FAM107B: variants seen among roughly 807,000 people sequenced by gnomAD.
The protein encoded by FAM107B is protein FAM107B.
A neutral mutation model predicts 31.5 loss-of-function variants in FAM107B; 21 were observed. The observed-to-expected ratio is 0.67, with a 90% CI of 0.47 to 0.96. The LOEUF (loss-of-function observed/expected upper bound fraction) is 0.96. Ranked by LOEUF, FAM107B falls within the 40% of genes least tolerant of loss-of-function variation. The pLI is 0.00. For synonymous variants in FAM107B, 157 were observed against 141.5 expected (o/e 1.11, Z -0.78); for missense variants, 452 against 377.1 (o/e 1.20, Z -1.64).
chr10:14,667,097 G>A (rs1002733135), intron 2 of FAM107B, among the ~76,000 whole-genome samples: 5 of 152,008 alleles, frequency 3.3e-5, no homozygotes, highest in African/African-American at 9.7e-5. Flanking sequence ...ATTTTATGAC[G>A]ATTACATCTC....
intron 1 of FAM107B, among the ~76,000 whole-genome samples, chr10:14,705,905 T>C (rs1855507026): frequency 6.6e-6 from 1 of 152,134 alleles, no homozygotes; most frequent in African/African-American, 2.4e-5. Context: ...CAACAGAAGT[T>C]ACCTACAGAT....
At chr10:14,733,949 T>C (rs74122970) in intron 1 of FAM107B, among the ~76,000 whole-genome samples, 6,399 of 152,252 alleles carry the variant, frequency 0.042, 240 homozygotes, top group African/African-American at 0.1. Flanking sequence ...GCACCTGGTA[T>C]TTAGAGAGGA....
intron 2 of FAM107B, among the ~76,000 whole-genome samples, chr10:14,619,434 T>G (rs1046566535): frequency 6.6e-6 from 1 of 152,212 alleles, no homozygotes; most frequent in Non-Finnish European, 1.5e-5. Context: ...AATGGCTTAT[T>G]ATGTTGAGCA....
chr10:14,696,050 T>C lies in FAM107B; in HGVS notation c.412-28359A>G, dbSNP rs184279984. 9.6e-4 allele frequency among the ~76,000 whole-genome samples: 146 copies of C among 152,362 alleles called. 1 individual carries two copies. The highest frequency in any genetic ancestry group is 3.4e-3 in the Middle Eastern group (1 of 294). ...AGAAGTGAGAGTGGGCATCCTTAAC[T>C]TGTACCATATCTTAGTGAAAAACCT... On this transcript the variant is annotated intron_variant, in intron 1 of 4. Coordinates refer to ENST00000181796, the MANE Select transcript of FAM107B (RefSeq NM_031453.4).
At chr10:14,693,632 C>G (rs1425140819) in intron 1 of FAM107B, among the ~76,000 whole-genome samples, 1 of 152,126 alleles carries the variant, frequency 6.6e-6, no homozygotes, top group African/African-American at 2.4e-5. Context: ...ACTCATCTAG[C>G]AGGAACGGCA....
intron 2 of FAM107B, among the ~76,000 whole-genome samples, chr10:14,603,029 A>T (rs192051761): frequency 6.6e-6 from 1 of 151,172 alleles, no homozygotes; most frequent in East Asian, 1.9e-4. Flanking sequence ...ACACACACAC[A>T]CAAACACACT....
intron 4 of FAM107B, 98 bp downstream of exon 4, chr10:14,521,771 T>A (rs1405056623): frequency 6.7e-7 from 1 of 1,490,260 alleles, no homozygotes; most frequent in East Asian, 2.3e-5. Context: ...GGTATAAATG[T>A]ATACACTGGC....
At chr10:14,673,842 G>A (rs942460601) in intron 1 of FAM107B, among the ~76,000 whole-genome samples, 2 of 151,994 alleles carry the variant, frequency 1.3e-5, no homozygotes, top group African/African-American at 2.4e-5. Context: ...TTTTGGTTTT[G>A]ATTTGCATTT....
intron 2 of FAM107B, among the ~76,000 whole-genome samples, chr10:14,633,481 A>T (rs1464809835): frequency 6.6e-6 from 1 of 152,244 alleles, no homozygotes; most frequent in Admixed American, 6.5e-5. Flanking sequence ...GATAAGCAGT[A>T]GGAATTTAAT....
At position 14,519,135 on chromosome 10, in the gene FAM107B, G is replaced by C. The variant is rs899320996; in HGVS notation, c.*2055C>G. ...ATTCTGCAGATTTGAGTGAGATTAG[G>C]AAAGAAATGCTTTCTTAAGTAACTT... On this transcript the variant is annotated 3_prime_UTR_variant, in exon 5 of 5. Transcript: ENST00000181796. 3 of 152,000 alleles carry C rather than the reference G, an allele frequency of 2.0e-5. No individual in the cohort carries two copies. The highest frequency in any genetic ancestry group is 7.2e-5 in the African/African-American group (3 of 41,382). 9.4% of individuals were successfully genotyped at this position (152,000 alleles called of 1,614,324 possible).
chr10:14,763,963 T>C (rs909321600), intron 1 of FAM107B, among the ~76,000 whole-genome samples: 1 of 152,254 alleles, frequency 6.6e-6, no homozygotes, highest in African/African-American at 2.4e-5. Context: ...ATGATTTTCT[T>C]GTACCACTAT....
chr10:14,748,429 T>A (rs550280932), intron 1 of FAM107B, among the ~76,000 whole-genome samples: 3 of 152,332 alleles, frequency 2.0e-5, no homozygotes, highest in African/African-American at 7.2e-5. Flanking sequence ...TACCTCCCAA[T>A]CTAGATGCTG....
At position 14,675,064 on chromosome 10, in the gene FAM107B, C is replaced by T. The variant is rs190196432; in HGVS notation, c.412-7373G>A. Among the ~76,000 whole-genome samples the T allele has an allele frequency of 3.9e-5, 6 of 152,240 alleles. No individual in the cohort carries two copies. In the East Asian group the frequency reaches 1.2e-3, roughly 29 times the overall value. On this transcript the variant is annotated intron_variant, in intron 1 of 4. Coordinates refer to ENST00000181796, the MANE Select transcript of FAM107B (RefSeq NM_031453.4). ...TGTGCTGATTCCAGTGGTATAAATT[C>T]TCTGAAAATACTTGCATGCCCATAT...
At chr10:14,637,769 G>A (rs919124002) in intron 2 of FAM107B, among the ~76,000 whole-genome samples, 5 of 152,132 alleles carry the variant, frequency 3.3e-5, no homozygotes, top group African/African-American at 4.8e-5. Flanking sequence ...TTGGGGTGGT[G>A]TATATTAGGA....
chr10:14,567,268 T>A (rs1362359387), intron 2 of FAM107B, among the ~76,000 whole-genome samples: 1 of 151,640 alleles, frequency 6.6e-6, no homozygotes, highest in Non-Finnish European at 1.5e-5. Flanking sequence ...AACAGAAAAA[T>A]GAGAAAAGTA....
chr10:14,665,026 A>G (rs79842565), intron 2 of FAM107B, among the ~76,000 whole-genome samples: 180 of 152,354 alleles, frequency 1.2e-3, no homozygotes, highest in African/African-American at 4.0e-3. Context: ...CTGCGGACCC[A>G]AGCATTTTTA....
chr10:14,569,912 C>T (rs574603013), intron 2 of FAM107B, among the ~76,000 whole-genome samples: 3 of 152,272 alleles, frequency 2.0e-5, no homozygotes, highest in Admixed American at 6.5e-5. Flanking sequence ...GCAGGCTGGG[C>T]GAGCCCAGAG....
At chr10:14,605,019 G>T (rs1852553434) in intron 2 of FAM107B, among the ~76,000 whole-genome samples, 1 of 152,152 alleles carries the variant, frequency 6.6e-6, no homozygotes, top group Admixed American at 6.5e-5. Flanking sequence ...TCCCCGGCAA[G>T]TCTGCGATGC....
intron 1 of FAM107B, among the ~76,000 whole-genome samples, chr10:14,742,978 C>T (rs1322380779): frequency 6.6e-6 from 1 of 152,096 alleles, no homozygotes; most frequent in Non-Finnish European, 1.5e-5. Context: ...GGTCTTCCTA[C>T]TTCCTCTTTG....
Sources: gnomAD v4.1 joint callset for allele counts (sites outside exome capture counted in the v4.1 genomes callset) on GRCh38, gnomAD v4.1.1 for gene constraint, MANE v1.5 for transcripts, NCBI Gene and HGNC (gene_info 2026-07-23, HGNC 2026-07-21) for gene names.